The following THRB variants were observed in gnomAD, a reference collection of about 807,000 sequenced individuals.
THRB encodes the protein nuclear receptor subfamily 1 group A member 2.
A neutral mutation model predicts 47.8 loss-of-function variants in THRB; 12 were observed. The ratio of observed to expected loss-of-function variants is 0.25; its 90% CI spans 0.16 to 0.41. The LOEUF (loss-of-function observed/expected upper bound fraction) is 0.41, where lower values mean the gene tolerates loss of function less well. Among genes scored for constraint, THRB ranks in the 10% least tolerant of loss-of-function variants. The pLI, the probability that THRB is intolerant of heterozygous loss-of-function variation, is 1.00. For synonymous variants in THRB, 218 were observed against 212.2 expected (o/e 1.03, Z -0.24); for missense variants, 348 against 589.2 (o/e 0.59, Z 4.24).
intron 5 of THRB, among the ~76,000 whole-genome samples, chr3:24,156,102 G>A (rs1452459508): frequency 6.6e-6 from 1 of 152,146 alleles, no homozygotes; most frequent in African/African-American, 2.4e-5. Flanking sequence ...GGCAATGTCT[G>A]GTTAATTGCT....
At chr3:24,245,952 G>T (rs1172108047) in intron 3 of THRB, among the ~76,000 whole-genome samples, 1 of 148,526 alleles carries the variant, frequency 6.7e-6, no homozygotes, top group Admixed American at 6.7e-5. Flanking sequence ...CAAACAGAGG[G>T]TCTTTCATAA....
At chr3:24,402,833 A>G (rs1362047515) in intron 1 of THRB, among the ~76,000 whole-genome samples, 1 of 151,982 alleles carries the variant, frequency 6.6e-6, no homozygotes, top group Non-Finnish European at 1.5e-5. Flanking sequence ...TTTGATACGC[A>G]CTGCCAAATT....
intron 1 of THRB, among the ~76,000 whole-genome samples, chr3:24,422,689 T>C (rs2069383342): frequency 1.3e-5 from 2 of 151,892 alleles, no homozygotes; most frequent in African/African-American, 4.8e-5. Context: ...AACTTACTTG[T>C]GGGGACATGA....
At chr3:24,248,396 G>A (rs570412184) in intron 3 of THRB, among the ~76,000 whole-genome samples, 1 of 151,998 alleles carries the variant, frequency 6.6e-6, no homozygotes, top group East Asian at 1.9e-4. Flanking sequence ...ATCAGTAGTT[G>A]TTTAAAGGAA....
intron 4 of THRB, among the ~76,000 whole-genome samples, chr3:24,204,962 A>C (rs1246222923): frequency 2.0e-5 from 3 of 152,220 alleles, no homozygotes; most frequent in Non-Finnish European, 4.4e-5. Context: ...AAAAAAGAGT[A>C]AAAAGAAACG....
At chr3:24,204,069 C>T (rs1174896500) in intron 4 of THRB, among the ~76,000 whole-genome samples, 2 of 152,386 alleles carry the variant, frequency 1.3e-5, no homozygotes, top group East Asian at 3.9e-4. Context: ...TCTGTAGACT[C>T]TACCTCTGGG....
At chr3:24,134,861 G>C (rs979392880) in intron 8 of THRB, among the ~76,000 whole-genome samples, 1 of 152,146 alleles carries the variant, frequency 6.6e-6, no homozygotes, top group African/African-American at 2.4e-5. Flanking sequence ...GGGTAGGAAA[G>C]GGGGATGGGA....
intron 1 of THRB, among the ~76,000 whole-genome samples, chr3:24,454,463 C>T (rs1186758889): frequency 6.6e-6 from 1 of 152,138 alleles, no homozygotes; most frequent in African/African-American, 2.4e-5. Context: ...TGAGAATATA[C>T]TAAAAATCAC....
At chr3:24,214,156 T>C (rs892729289) in intron 4 of THRB, among the ~76,000 whole-genome samples, 6 of 152,162 alleles carry the variant, frequency 3.9e-5, no homozygotes, top group African/African-American at 1.4e-4. Context: ...AAAGCCACAA[T>C]GGACTTGAGG....
chr3:24,263,857 T>G (rs542536019), intron 3 of THRB, among the ~76,000 whole-genome samples: 3 of 152,188 alleles, frequency 2.0e-5, no homozygotes, highest in Admixed American at 1.3e-4. Flanking sequence ...TAATGGACAG[T>G]TGATACTACA....
At chr3:24,163,448 TAAAAGAG>T (rs1206232192) in intron 5 of THRB, among the ~76,000 whole-genome samples, 1 of 151,980 alleles carries the variant, frequency 6.6e-6, no homozygotes, top group Non-Finnish European at 1.5e-5. Flanking sequence ...AGTGAAAAGA[TAAAAGAG>T]AAAAGAGCCT....
intron 5 of THRB, among the ~76,000 whole-genome samples, chr3:24,153,392 A>G (rs2037323849): frequency 3.9e-5 from 6 of 152,234 alleles, no homozygotes; most frequent in Admixed American, 3.9e-4. Context: ...GACTTTAAGT[A>G]GAATGAATTT....
At chr3:24,147,408 A>G (rs552730667) in intron 6 of THRB, among the ~76,000 whole-genome samples, 1 of 152,364 alleles carries the variant, frequency 6.6e-6, no homozygotes, top group East Asian at 1.9e-4. Flanking sequence ...TTCAAACAAT[A>G]GGACTCAGGG....
At position 24,297,298 on chromosome 3, in the gene THRB, C is replaced by T. The variant is rs2056530426; in HGVS notation, c.-115G>A. ...AGTCTTCAAGACGTTTGTTTTTCTG[C>T]ATTTCCTCTTCCTACAGTGAAGTCA... On this transcript the variant is annotated 5_prime_UTR_variant, in exon 3 of 11. An upstream start codon of the reference 5' UTR is lost. Transcript: ENST00000646209. The T allele has an allele frequency of 6.6e-6, 1 of 152,240 alleles. No individual in the cohort carries two copies. Among genetic ancestry groups the T allele is most frequent in the Admixed American group, 6.5e-5 (1 of 15,290 alleles). 9.4% of individuals were successfully genotyped at this position (152,240 alleles called of 1,614,324 possible). A position where few individuals can be genotyped will look rare whatever the true frequency, so the allele number is the denominator to read the frequency against.
intron 3 of THRB, among the ~76,000 whole-genome samples, chr3:24,260,244 T>A (rs536466011): frequency 1.3e-5 from 2 of 152,216 alleles, no homozygotes; most frequent in South Asian, 2.1e-4. Context: ...ACTCGGTGAG[T>A]CACACTTTAT....
In THRB at chr3:24,437,096, G is replaced by A. The variant is rs190513713; in HGVS notation, c.-261+57556C>T. On this transcript the variant is annotated intron_variant, in intron 1 of 10. Coordinates refer to ENST00000646209, the MANE Select transcript of THRB (RefSeq NM_001354712.2). ...TCATATATATATCATAAAAATGTGT[G>A]TGTGTATATATATATACATACATAT... is the stretch of plus-strand genomic sequence containing the variant. Among the ~76,000 whole-genome samples, 251 of 148,400 alleles carry A rather than the reference G, an allele frequency of 1.7e-3. 1 individual carries two copies. The highest frequency in any genetic ancestry group is 2.4e-3 in the Non-Finnish European group (165 of 67,382).
intron 5 of THRB, among the ~76,000 whole-genome samples, chr3:24,162,571 T>A (rs951042512): frequency 6.6e-6 from 1 of 152,032 alleles, no homozygotes; most frequent in African/African-American, 2.4e-5. Context: ...TTTCCCCTCC[T>A]CAATTCTTGA....
intron 5 of THRB, among the ~76,000 whole-genome samples, chr3:24,184,015 A>T (rs531389907): frequency 6.6e-6 from 1 of 152,306 alleles, no homozygotes; most frequent in African/African-American, 2.4e-5. Flanking sequence ...GTATCTACTG[A>T]AACAAGTTTG....
At chr3:24,398,490 C>T (rs995711169) in intron 1 of THRB, among the ~76,000 whole-genome samples, 14 of 152,202 alleles carry the variant, frequency 9.2e-5, no homozygotes, top group African/African-American at 2.7e-4. Flanking sequence ...CTCATCATCA[C>T]TGGCCATCAA....
Sources: gnomAD v4.1 joint callset for allele counts (sites outside exome capture counted in the v4.1 genomes callset) on GRCh38, gnomAD v4.1.1 for gene constraint, MANE v1.5 for transcripts, NCBI Gene and HGNC (gene_info 2026-07-23, HGNC 2026-07-21) for gene names.